Variants in IL1RAPL2 observed in about 807,000 individuals in gnomAD.
The protein encoded by IL1RAPL2 is X-linked interleukin-1 receptor accessory protein-like 2.
In IL1RAPL2, 3 loss-of-function variants were observed where a neutral mutation model predicts 44.1. The ratio of observed to expected loss-of-function variants is 0.07; its 90% CI spans 0.03 to 0.18. IL1RAPL2 has a LOEUF of 0.18. Among genes scored for constraint, IL1RAPL2 ranks in the 10% least tolerant of loss-of-function variants. IL1RAPL2 has a pLI of 1.00. For missense variants in IL1RAPL2, 391 were observed against 496.4 expected, an observed-to-expected ratio of 0.79 and a Z score of 2.02; for synonymous variants, 181 against 178.8, an observed-to-expected ratio of 1.01 and a Z score of -0.10.
At chrX:104,670,831 C>A (rs1004476691) in intron 2 of IL1RAPL2, among the ~76,000 whole-genome samples, 2 of 111,363 alleles carry the variant, frequency 1.8e-5, no homozygotes, top group African/African-American at 6.5e-5. Flanking sequence ...ATAATACTTG[C>A]AAATGGTGTT....
chrX:105,754,231 A>T lies in IL1RAPL2; in HGVS notation c.1193-946A>T, dbSNP rs72618313. 6.6e-3 allele frequency among the ~76,000 whole-genome samples: 740 copies of T among 112,198 alleles called. 9 individuals carry two copies. Among genetic ancestry groups the T allele is most frequent in the South Asian group, 0.057 (154 of 2,708 alleles). ...GTGCTCACTACATTAACTTAAAAAA[A>T]TTTTTTTTAATAAGGGAATTTTGAA... is the stretch of plus-strand genomic sequence containing the variant. On this transcript the variant is annotated intron_variant, in intron 9 of 10. Transcript: ENST00000372582.
chrX:105,730,790 ATAAATT>A (rs2147566108), intron 7 of IL1RAPL2, among the ~76,000 whole-genome samples: 1 of 112,000 alleles, frequency 8.9e-6, no homozygotes, highest in East Asian at 2.8e-4. Flanking sequence ...AAATTAAGAA[ATAAATT>A]TAAAAAGTCG....
At chrX:104,997,028 G>A (rs1045115049) in intron 2 of IL1RAPL2, among the ~76,000 whole-genome samples, 1 of 111,413 alleles carries the variant, frequency 9.0e-6, no homozygotes, top group South Asian at 3.8e-4. Context: ...AGGGAAGAGC[G>A]TAGATAGAGA....
At chrX:105,114,273 C>A (rs1456353153) in intron 2 of IL1RAPL2, among the ~76,000 whole-genome samples, 1 of 111,965 alleles carries the variant, frequency 8.9e-6, no homozygotes, top group Non-Finnish European at 1.9e-5. Context: ...AATGAATCTG[C>A]TGGCACCTTG....
chrX:105,461,574 G>A (rs73527158), intron 5 of IL1RAPL2, among the ~76,000 whole-genome samples: 4,819 of 110,585 alleles, frequency 0.044, 256 homozygotes, highest in African/African-American at 0.15. Context: ...TTTCTTCCCC[G>A]CCCAAAGGCT....
At chrX:105,129,925 A>C (rs756739356) in intron 2 of IL1RAPL2, among the ~76,000 whole-genome samples, 268 of 110,798 alleles carry the variant, frequency 2.4e-3, no homozygotes, top group African/African-American at 8.3e-3. Flanking sequence ...CATCCCACCT[A>C]CGTATTCAGC....
chrX:105,575,918 C>T (rs1002698158), intron 6 of IL1RAPL2, among the ~76,000 whole-genome samples: 1 of 111,280 alleles, frequency 9.0e-6, no homozygotes, highest in African/African-American at 3.3e-5. Flanking sequence ...TTTTTCCTAA[C>T]GATTAGTGAT....
chrX:105,080,817 G>A lies in IL1RAPL2; in HGVS notation c.83-114658G>A, dbSNP rs372670244. Among the ~76,000 whole-genome samples the A allele has an allele frequency of 1.1e-3, 123 of 111,635 alleles. 1 individual carries two copies. Among genetic ancestry groups the A allele is most frequent in the Non-Finnish European group, 1.4e-3 (75 of 53,040 alleles). ...ATAAACTACTTTGGTCAGTATGGCC[G>A]TTTTCATGATATTGATTCTTCCTAT... On this transcript the variant is annotated intron_variant, in intron 2 of 10. Transcript: ENST00000372582.
chrX:105,358,037 TAAAAAAAAAAAA>T (rs774626399), intron 5 of IL1RAPL2, among the ~76,000 whole-genome samples: 114 of 40,808 alleles, frequency 2.8e-3, no homozygotes, highest in African/African-American at 7.9e-3. Context: ...ATCCTATTTC[TAAAAAAAAAAAA>T]AAAAAAAAAA....
Position 105,116,041 on chromosome X carries a change from G to A in IL1RAPL2, c.83-79434G>A, listed in dbSNP as rs760405487. Among the ~76,000 whole-genome samples, 383 of 113,187 alleles carry A rather than the reference G, an allele frequency of 3.4e-3. 12 individuals are homozygous for A. Among genetic ancestry groups the A allele is most frequent in the Middle Eastern group, 4.7e-3 (1 of 215 alleles). ...GAGCCCACGCCCACCCAGAACTTGCGCTGGCCTGCAAGCGCGTGCGCAGCC... is the reference window on the plus strand; with the variant it reads ...GAGCCCACGCCCACCCAGAACTTGCACTGGCCTGCAAGCGCGTGCGCAGCC... On this transcript the variant is annotated intron_variant, in intron 2 of 10. Transcript: ENST00000372582.
At chrX:104,753,241 A>G (rs1468580795) in intron 2 of IL1RAPL2, among the ~76,000 whole-genome samples, 1 of 109,805 alleles carries the variant, frequency 9.1e-6, no homozygotes, top group Non-Finnish European at 1.9e-5. Flanking sequence ...ATCCTCTGAG[A>G]CATTTCAACA....
chrX:104,851,235 A>C (rs1922217597), intron 2 of IL1RAPL2, among the ~76,000 whole-genome samples: 1 of 111,960 alleles, frequency 8.9e-6, no homozygotes, highest in Non-Finnish European at 1.9e-5. Flanking sequence ...ATGTAACCAA[A>C]CCAAAATGAC....
At chrX:105,599,176 C>T (rs2037233104) in intron 6 of IL1RAPL2, among the ~76,000 whole-genome samples, 2 of 111,883 alleles carry the variant, frequency 1.8e-5, no homozygotes, top group South Asian at 7.4e-4. Context: ...CCATATTTCA[C>T]TGGCAGATAG....
chrX:105,140,401 C>G (rs1234215855), intron 2 of IL1RAPL2, among the ~76,000 whole-genome samples: 1 of 112,318 alleles, frequency 8.9e-6, no homozygotes, highest in Non-Finnish European at 1.9e-5. Flanking sequence ...GTGACAAGTA[C>G]AAAGTTGGCA....
chrX:104,827,487 G>C (rs764267368), intron 2 of IL1RAPL2, among the ~76,000 whole-genome samples: 1 of 111,697 alleles, frequency 9.0e-6, no homozygotes, highest in East Asian at 2.8e-4. Context: ...TTTCCACAGA[G>C]AGATCCACTG....
At chrX:105,034,850 C>G (rs977542022) in intron 2 of IL1RAPL2, among the ~76,000 whole-genome samples, 2 of 112,401 alleles carry the variant, frequency 1.8e-5, no homozygotes, top group Non-Finnish European at 3.8e-5. Context: ...GTGGAGCCTA[C>G]AGAATCAGGA....
At chrX:105,064,883 G>A (rs2032118104) in intron 2 of IL1RAPL2, among the ~76,000 whole-genome samples, 1 of 110,528 alleles carries the variant, frequency 9.0e-6, no homozygotes, top group Non-Finnish European at 1.9e-5. Flanking sequence ...AACTTTTATT[G>A]AAAAAAAATC....
intron 2 of IL1RAPL2, among the ~76,000 whole-genome samples, chrX:104,672,941 A>G (rs775020607): frequency 7.6e-4 from 84 of 110,271 alleles, no homozygotes; most frequent in Middle Eastern, 4.6e-3. Context: ...TTTTGATAGG[A>G]TTGTTTGTTT....
chrX:104,864,157 C>A (rs997458480), intron 2 of IL1RAPL2, among the ~76,000 whole-genome samples: 9 of 111,946 alleles, frequency 8.0e-5, no homozygotes, highest in Non-Finnish European at 1.5e-4. Context: ...ATTCACTTAA[C>A]CTATAGGCTG....
Sources: allele counts gnomAD v4.1 joint callset (sites outside exome capture counted in the v4.1 genomes callset), GRCh38; gene constraint gnomAD v4.1.1; transcripts MANE v1.5; gene names NCBI Gene and HGNC (gene_info 2026-07-23, HGNC 2026-07-21).